CD247: variants seen among roughly 807,000 people sequenced by gnomAD.
The protein encoded by CD247 is CD247 molecule.
A neutral mutation model predicts 30.0 loss-of-function variants in CD247; 13 were observed. The ratio of observed to expected loss-of-function variants is 0.43; its 90% CI spans 0.28 to 0.69. CD247 has a LOEUF of 0.69. CD247 is among the 30% of genes least tolerant of loss of function. The probability of loss-of-function intolerance (pLI) is 0.16; values close to 1 mark genes in which losing one functional copy is unlikely to be tolerated. For synonymous variants in CD247, 72 were observed against 80.0 expected, an observed-to-expected ratio of 0.90 and a Z score of 0.53; for missense variants, 193 against 212.6, an observed-to-expected ratio of 0.91 and a Z score of 0.57.
chr1:167,450,970 G>C (rs530820278), intron 1 of CD247, among the ~76,000 whole-genome samples: 2 of 151,868 alleles, frequency 1.3e-5, no homozygotes, highest in East Asian at 3.9e-4. Context: ...CCAAGGAAAT[G>C]AAAGTATGAA....
At chr1:167,509,194 C>T (rs1230914834) in intron 1 of CD247, among the ~76,000 whole-genome samples, 1 of 152,004 alleles carries the variant, frequency 6.6e-6, no homozygotes, top group Non-Finnish European at 1.5e-5. Flanking sequence ...TGGAGAAACC[C>T]TGTCTCTACT....
chr1:167,471,627 G>A (rs142183690), intron 1 of CD247, among the ~76,000 whole-genome samples: 3 of 152,112 alleles, frequency 2.0e-5, no homozygotes, highest in Admixed American at 6.5e-5. Context: ...TTAGAGATGG[G>A]GGTCTCATTC....
Position 167,431,247 on chromosome 1 carries a change from C to A in CD247, c.*434G>T. 2 of 513,156 alleles carry A rather than the reference C, an allele frequency of 3.9e-6. No homozygotes were observed. The highest frequency in any genetic ancestry group is 3.9e-5 in the South Asian group (1 of 25,812). 31.8% of individuals were successfully genotyped at this position (513,156 alleles called of 1,614,324 possible). On this transcript the variant is annotated 3_prime_UTR_variant, in exon 8 of 8. Transcript: ENST00000362089. ...TTACCTTGAAAGGAGGTGAAGGTGA[C>A]AACAGAAGCCAAATTTACAGCAGGA...
chr1:167,506,310 C>T (rs557029392), intron 1 of CD247, among the ~76,000 whole-genome samples: 52 of 136,180 alleles, frequency 3.8e-4, no homozygotes, highest in African/African-American at 1.4e-3. Flanking sequence ...TTTTCCTTTC[C>T]TTTCTTTTCT....
At chr1:167,484,670 A>G (rs910630831) in intron 1 of CD247, among the ~76,000 whole-genome samples, 6 of 152,206 alleles carry the variant, frequency 3.9e-5, no homozygotes, top group African/African-American at 1.4e-4. Flanking sequence ...CCAGCTACTC[A>G]GGAGGCTGAG....
chr1:167,443,968 T>G (rs1651956071), intron 1 of CD247, among the ~76,000 whole-genome samples: 1 of 152,188 alleles, frequency 6.6e-6, no homozygotes, highest in South Asian at 2.1e-4. Flanking sequence ...AATTAAATAT[T>G]CATTGGGCAT....
At chr1:167,440,316 A>G (rs976182384) in intron 2 of CD247, 2 of 362,204 alleles carry the variant, frequency 5.5e-6, no homozygotes, top group African/African-American at 4.2e-5. Context: ...AGAAAGGCTA[A>G]CATGGCCTTC....
intron 1 of CD247, among the ~76,000 whole-genome samples, chr1:167,499,261 G>C (rs967140371): frequency 6.6e-5 from 10 of 152,184 alleles, no homozygotes; most frequent in African/African-American, 2.4e-4. Flanking sequence ...ACAATGCACA[G>C]AACAGCCTCC....
intron 1 of CD247, among the ~76,000 whole-genome samples, chr1:167,475,045 C>T (rs970826266): frequency 1.3e-5 from 2 of 152,240 alleles, no homozygotes; most frequent in African/African-American, 2.4e-5. Context: ...AGCCACCGCA[C>T]CCGGCAAAAC....
At chr1:167,456,409 T>C (rs1358021888) in intron 1 of CD247, among the ~76,000 whole-genome samples, 7 of 152,168 alleles carry the variant, frequency 4.6e-5, no homozygotes, top group African/African-American at 1.7e-4. Flanking sequence ...GACAAAGTAC[T>C]TAACAAAAAC....
intron 5 of CD247, 72 bp from the exon 6 acceptor site, chr1:167,434,148 A>C (rs768351916): frequency 7.1e-7 from 1 of 1,412,376 alleles, no homozygotes. Context: ...CTACAACAGG[A>C]AGCTTCTTGA....
chr1:167,496,348 G>A (rs1429478629), intron 1 of CD247, among the ~76,000 whole-genome samples: 1 of 152,170 alleles, frequency 6.6e-6, no homozygotes, highest in Non-Finnish European at 1.5e-5. Flanking sequence ...TGATTTTGTA[G>A]GTATCACCAA....
At chr1:167,484,547 C>T (rs574136051) in intron 1 of CD247, among the ~76,000 whole-genome samples, 1 of 152,322 alleles carries the variant, frequency 6.6e-6, no homozygotes, top group South Asian at 2.1e-4. Context: ...GAGGCCAAGG[C>T]GGGCGGATCA....
intron 1 of CD247, among the ~76,000 whole-genome samples, chr1:167,462,012 A>C (rs1251252849): frequency 6.6e-6 from 1 of 152,180 alleles, no homozygotes; most frequent in Non-Finnish European, 1.5e-5. Flanking sequence ...ATGCTGGATT[A>C]AAGATTGGTT....
At chr1:167,455,364 A>G (rs2102017904) in intron 1 of CD247, among the ~76,000 whole-genome samples, 1 of 152,226 alleles carries the variant, frequency 6.6e-6, no homozygotes, top group African/African-American at 2.4e-5. Flanking sequence ...CACTACGCCC[A>G]AAGCCCAGGC....
intron 1 of CD247, among the ~76,000 whole-genome samples, chr1:167,499,423 T>C (rs1654818117): frequency 6.6e-6 from 1 of 152,134 alleles, no homozygotes; most frequent in African/African-American, 2.4e-5. Context: ...TTCTGGGAAA[T>C]TGTTGCTAGG....
Position 167,488,604 on chromosome 1 carries a change from T to C in CD247, c.58+29804A>G, listed in dbSNP as rs184874048. On this transcript the variant is annotated intron_variant, in intron 1 of 7. Transcript: ENST00000362089. ...AGGGGAACCGGATATTGAAGGTTGA[T>C]GGTTGTGCTCAACTAACTGGGCAGA... 2.5e-3 allele frequency among the ~76,000 whole-genome samples: 386 copies of C among 152,318 alleles called. 2 individuals are homozygous for C. Among genetic ancestry groups the C allele is most frequent in the African/African-American group, 7.4e-3 (307 of 41,550 alleles).
rs112109820 is a variant in CD247 at position 167,490,475 on chromosome 1, T to G, written c.58+27933A>C. Among the ~76,000 whole-genome samples the G allele has an allele frequency of 7.8e-3, 1,190 of 151,862 alleles. 12 individuals are homozygous for G. Among genetic ancestry groups the G allele is most frequent in the African/African-American group, 0.027 (1,123 of 41,332 alleles). On this transcript the variant is annotated intron_variant, in intron 1 of 7. Transcript: ENST00000362089. ...CCATCTCTACTAAAAATACAAAAAT[T>G]AGCTGGGCTTGGTGGCGCACGCCTG...
chr1:167,443,045 G>C (rs1651913358), intron 1 of CD247, among the ~76,000 whole-genome samples: 5 of 151,946 alleles, frequency 3.3e-5, no homozygotes, highest in African/African-American at 1.2e-4. Context: ...TTCTAGGCTT[G>C]CGTTCTACCC....
Sources: allele counts gnomAD v4.1 joint callset (sites outside exome capture counted in the v4.1 genomes callset), GRCh38; gene constraint gnomAD v4.1.1; transcripts MANE v1.5; gene names NCBI Gene and HGNC (gene_info 2026-07-23, HGNC 2026-07-21).